XNDC1N: variants seen among roughly 807,000 people sequenced by gnomAD.
XNDC1N encodes XRCC1 N-terminal domain containing 1, N-terminal like.
chr11:71,890,950 C>T, the XNDC1N span, among the ~76,000 whole-genome samples: 1 of 151,878 alleles, frequency 6.6e-6, no homozygotes, highest in Non-Finnish European at 1.5e-5. Flanking sequence ...CCTCTCCCCC[C>T]TTGCATATTG....
chr11:71,899,354 G>A, the XNDC1N span, among the ~76,000 whole-genome samples: 1 of 152,130 alleles, frequency 6.6e-6, no homozygotes, highest in Admixed American at 6.5e-5. Context: ...CAGAGGGGAA[G>A]GGCAGTTCAG....
At chr11:71,926,578 G>T in the XNDC1N span, among the ~76,000 whole-genome samples, 1 of 152,112 alleles carries the variant, frequency 6.6e-6, no homozygotes, top group African/African-American at 2.4e-5. Context: ...AAAAATAAAA[G>T]TAGATCCCTA....
chr11:71,876,589 A>T, the XNDC1N span, among the ~76,000 whole-genome samples: 1 of 152,184 alleles, frequency 6.6e-6, no homozygotes, highest in African/African-American at 2.4e-5. Flanking sequence ...GATTTTTGCC[A>T]TTGAAAGTAA....
chr11:71,887,806 T>G, the XNDC1N span, among the ~76,000 whole-genome samples: 7 of 152,226 alleles, frequency 4.6e-5, no homozygotes, highest in African/African-American at 7.2e-5. Flanking sequence ...CAACAGTACC[T>G]AACCCGTCCA....
the XNDC1N span, among the ~76,000 whole-genome samples, chr11:71,886,067 A>G: frequency 1.3e-5 from 2 of 152,124 alleles, no homozygotes; most frequent in African/African-American, 4.8e-5. Flanking sequence ...ACGACCCAAA[A>G]GGGGACACAA....
At chr11:71,902,407 G>A in the XNDC1N span, among the ~76,000 whole-genome samples, 2 of 152,164 alleles carry the variant, frequency 1.3e-5, no homozygotes, top group Non-Finnish European at 2.9e-5. Flanking sequence ...TGGCCAGGAT[G>A]GTCTTGATCT....
At chr11:71,886,509 C>A in the XNDC1N span, among the ~76,000 whole-genome samples, 1 of 151,984 alleles carries the variant, frequency 6.6e-6, no homozygotes, top group Non-Finnish European at 1.5e-5. Flanking sequence ...GAGGGGAGCT[C>A]AGAAGGCCAC....
chr11:71,906,317 T>A, the XNDC1N span, among the ~76,000 whole-genome samples: 1 of 152,040 alleles, frequency 6.6e-6, no homozygotes, highest in African/African-American at 2.4e-5. Context: ...TGTACACCCC[T>A]GTGACATTAG....
chr11:71,879,746 T>A, the XNDC1N span, among the ~76,000 whole-genome samples: 1 of 152,160 alleles, frequency 6.6e-6, no homozygotes, highest in East Asian at 1.9e-4. Context: ...CAAGAAGAAA[T>A]CTCTCCTCCT....
chr11:71,885,325 A>G, the XNDC1N span, among the ~76,000 whole-genome samples: 1 of 152,256 alleles, frequency 6.6e-6, no homozygotes, highest in African/African-American at 2.4e-5. Context: ...TCATGGGAAC[A>G]ATATCCTTGG....
At chr11:71,881,258 A>G in the XNDC1N span, among the ~76,000 whole-genome samples, 1 of 152,204 alleles carries the variant, frequency 6.6e-6, no homozygotes, top group African/African-American at 2.4e-5. Context: ...TTTTATCATT[A>G]TATGATGGCC....
chr11:71,893,845 A>G, the XNDC1N span: 29 of 978,614 alleles, frequency 3.0e-5, 1 homozygote, highest in Middle Eastern at 2.5e-3. Context: ...CTTTGTAGCC[A>G]TCTGTTGCCC....
the XNDC1N span, among the ~76,000 whole-genome samples, chr11:71,913,365 C>T: frequency 6.6e-6 from 1 of 151,966 alleles, no homozygotes; most frequent in Non-Finnish European, 1.5e-5. Context: ...TCCTCTCCAC[C>T]CAGGAAAAGA....
chr11:71,901,657 G>A, the XNDC1N span, among the ~76,000 whole-genome samples: 2 of 151,920 alleles, frequency 1.3e-5, no homozygotes, highest in Non-Finnish European at 2.9e-5. Flanking sequence ...AGAGTTGGAA[G>A]ACCAGGAAGT....
the XNDC1N span, among the ~76,000 whole-genome samples, chr11:71,874,963 G>A: frequency 1.7e-4 from 26 of 151,914 alleles, no homozygotes; most frequent in Admixed American, 4.6e-4. Context: ...GGTTTTACTC[G>A]CTCCATATAA....
chr11:71,889,006 C>A, the XNDC1N span, among the ~76,000 whole-genome samples: 1 of 152,192 alleles, frequency 6.6e-6, no homozygotes, highest in Admixed American at 6.5e-5. Flanking sequence ...ATGGGAGCAG[C>A]TTCTTCAACC....
At chr11:71,928,326 C>T in the XNDC1N span, 2 of 617,890 alleles carry the variant, frequency 3.2e-6, no homozygotes, top group African/African-American at 1.8e-5. Flanking sequence ...TCCCTCTCGG[C>T]CACTCCCCTC....
At chr11:71,890,011 T>C in the XNDC1N span, among the ~76,000 whole-genome samples, 18 of 152,144 alleles carry the variant, frequency 1.2e-4, no homozygotes, top group African/African-American at 4.1e-4. Flanking sequence ...GGCAAAGGTA[T>C]TGGGGATCAC....
the XNDC1N span, among the ~76,000 whole-genome samples, chr11:71,871,893 G>A: frequency 6.6e-6 from 1 of 152,082 alleles, no homozygotes; most frequent in Non-Finnish European, 1.5e-5. Context: ...CTAAATGAGG[G>A]CCCTTTACAA....
Sources: allele counts gnomAD v4.1 joint callset (sites outside exome capture counted in the v4.1 genomes callset), GRCh38; gene constraint gnomAD v4.1.1; transcripts MANE v1.5; gene names NCBI Gene and HGNC (gene_info 2026-07-23, HGNC 2026-07-21).